Variants in GMDS observed in about 807,000 individuals in gnomAD.
GMDS encodes GDP-mannose 4,6 dehydratase.
Under a neutral mutation model 49.9 loss-of-function variants are expected in GMDS, and 20 were observed. That is an observed-to-expected ratio of 0.40 (90% CI 0.28 to 0.58). The LOEUF (loss-of-function observed/expected upper bound fraction) is 0.58, where lower values mean the gene tolerates loss of function less well. Among genes scored for constraint, GMDS ranks in the 20% least tolerant of loss-of-function variants. The pLI, the probability that GMDS is intolerant of heterozygous loss-of-function variation, is 0.42. For synonymous variants in GMDS, 177 were observed against 178.6 expected, an observed-to-expected ratio of 0.99 and a Z score of 0.07; for missense variants, 362 against 481.4, an observed-to-expected ratio of 0.75 and a Z score of 2.32.
At chr6:1,832,154 T>A (rs1387006931) in intron 7 of GMDS, among the ~76,000 whole-genome samples, 1 of 151,346 alleles carries the variant, frequency 6.6e-6, no homozygotes, top group African/African-American at 2.4e-5. Context: ...ACTTGCTATA[T>A]TGCCCAGGCT....
At chr6:1,995,390 G>A (rs910644507) in intron 4 of GMDS, among the ~76,000 whole-genome samples, 9 of 152,152 alleles carry the variant, frequency 5.9e-5, no homozygotes, top group Non-Finnish European at 8.8e-5. Flanking sequence ...ACCAAAAAGA[G>A]TAAGGAAGAA....
intron 1 of GMDS, among the ~76,000 whole-genome samples, chr6:2,219,956 T>G (rs1201750992): frequency 1.3e-5 from 2 of 152,172 alleles, no homozygotes; most frequent in African/African-American, 4.8e-5. Flanking sequence ...ATAAGGGATA[T>G]TCAACCTATA....
At chr6:2,159,765 C>T (rs1289720807) in intron 1 of GMDS, among the ~76,000 whole-genome samples, 2 of 152,020 alleles carry the variant, frequency 1.3e-5, no homozygotes, top group Non-Finnish European at 2.9e-5. Flanking sequence ...GATCTGCCTG[C>T]CTTGGCCTCC....
intron 1 of GMDS, among the ~76,000 whole-genome samples, chr6:2,196,722 G>A (rs1345765198): frequency 2.0e-5 from 3 of 152,026 alleles, no homozygotes; most frequent in African/African-American, 7.3e-5. Flanking sequence ...AAAAAACACA[G>A]GAAAAAAAGT....
At chr6:2,008,657 T>C (rs1307225031) in intron 4 of GMDS, among the ~76,000 whole-genome samples, 1 of 152,234 alleles carries the variant, frequency 6.6e-6, no homozygotes, top group Non-Finnish European at 1.5e-5. Flanking sequence ...TGCATGTACC[T>C]AAACCATATC....
chr6:2,202,705 G>A (rs1410098501), intron 1 of GMDS, among the ~76,000 whole-genome samples: 1 of 152,166 alleles, frequency 6.6e-6, no homozygotes, highest in Non-Finnish European at 1.5e-5. Context: ...TATTGAATCT[G>A]ACATGATGCC....
chr6:2,052,116 C>CAAAAAAAAAAAAAAAAAAAAAAAAAAAA (rs1285013159), intron 4 of GMDS, among the ~76,000 whole-genome samples: 14 of 43,574 alleles, frequency 3.2e-4, no homozygotes, highest in South Asian at 8.7e-4. Context: ...GACTCTGTCT[C>CAAAAAAAAAAAAAAAAAAAAAAAAAAAA]AAAAAAAAAA....
intron 4 of GMDS, among the ~76,000 whole-genome samples, chr6:2,101,909 C>T (rs578262341): frequency 3.3e-5 from 5 of 152,174 alleles, no homozygotes; most frequent in African/African-American, 1.2e-4. Flanking sequence ...AAAGGAAAAT[C>T]TAAGTATCAT....
In GMDS at chr6:2,184,988, T is replaced by C. The variant is rs571429338; in HGVS notation, c.103-60257A>G. ...CCAGACACTGTTTTAGGCACTGGAA[T>C]TGAAGCGATCAACAAAACAGACAAG... On this transcript the variant is annotated intron_variant, in intron 1 of 10. Transcript: ENST00000380815. Among the ~76,000 whole-genome samples the C allele has an allele frequency of 2.4e-3, 371 of 152,040 alleles. 2 individuals carry two copies. Among genetic ancestry groups the C allele is most frequent in the African/African-American group, 8.6e-3 (356 of 41,486 alleles).
At chr6:2,172,115 A>G (rs1451478574) in intron 1 of GMDS, among the ~76,000 whole-genome samples, 1 of 152,190 alleles carries the variant, frequency 6.6e-6, no homozygotes, top group African/African-American at 2.4e-5. Flanking sequence ...AAAAATAAGA[A>G]GGCACAAGTA....
chr6:1,853,927 C>T lies in GMDS; in HGVS notation c.771+76176G>A, dbSNP rs367831516. On this transcript the variant is annotated intron_variant, in intron 7 of 10. Coordinates refer to ENST00000380815, the MANE Select transcript of GMDS (RefSeq NM_001500.4). The stretch of plus-strand genomic sequence containing the variant: ...ATATCAGTGCCAAATCCTTCCCCTC[C>T]ATGGTCCTTTAGCACTATTCAGAGG... Among the ~76,000 whole-genome samples the T allele has an allele frequency of 2.4e-4, 36 of 152,286 alleles. 2 individuals are homozygous for T. The South Asian group carries it at 7.2e-3, about 31-fold the overall frequency.
At chr6:1,788,985 T>A (rs1769421874) in intron 7 of GMDS, among the ~76,000 whole-genome samples, 2 of 152,172 alleles carry the variant, frequency 1.3e-5, no homozygotes, top group Non-Finnish European at 2.9e-5. Context: ...CACCTGCACT[T>A]ATAACCAACT....
At chr6:1,911,775 A>C (rs1178144471) in intron 7 of GMDS, among the ~76,000 whole-genome samples, 1 of 152,168 alleles carries the variant, frequency 6.6e-6, no homozygotes, top group African/African-American at 2.4e-5. Context: ...TATTAGCCTC[A>C]ATTTTTAACT....
chr6:2,119,469 A>G (rs1036688444), intron 2 of GMDS, among the ~76,000 whole-genome samples: 1 of 152,152 alleles, frequency 6.6e-6, no homozygotes. Flanking sequence ...GACCTGCCAA[A>G]TGCTTAATCC....
intron 9 of GMDS, among the ~76,000 whole-genome samples, chr6:1,638,392 C>T (rs565496142): frequency 6.6e-5 from 10 of 152,258 alleles, no homozygotes; most frequent in South Asian, 2.1e-4. Flanking sequence ...GTAGCTTTCT[C>T]GAAAACACTG....
chr6:1,916,131 C>A (rs1262157488), intron 7 of GMDS, among the ~76,000 whole-genome samples: 2 of 152,178 alleles, frequency 1.3e-5, no homozygotes, highest in African/African-American at 4.8e-5. Flanking sequence ...ATGGTTTTTA[C>A]GTAGTTTAGC....
intron 1 of GMDS, among the ~76,000 whole-genome samples, chr6:2,216,890 C>T (rs1780362279): frequency 6.6e-6 from 1 of 152,202 alleles, no homozygotes; most frequent in East Asian, 1.9e-4. Context: ...CACCTCAACC[C>T]CTTTTCGCAG....
chr6:1,803,854 C>G lies in GMDS; in HGVS notation c.772-61268G>C, dbSNP rs1427354101. 3.3e-5 allele frequency among the ~76,000 whole-genome samples: 5 copies of G among 152,238 alleles called. No individual in the cohort carries two copies. The East Asian group carries it at 9.7e-4, about 29-fold the overall frequency. On this transcript the variant is annotated intron_variant, in intron 7 of 10. Coordinates refer to ENST00000380815, the MANE Select transcript of GMDS (RefSeq NM_001500.4). ...GAGAGGTTCAGAAGTAAAAAATGGA[C>G]TCTCCACTTGCTTGGGGTACAGGAA... is the stretch of plus-strand genomic sequence containing the variant.
At chr6:2,054,820 A>C (rs904045290) in intron 4 of GMDS, among the ~76,000 whole-genome samples, 23 of 151,742 alleles carry the variant, frequency 1.5e-4, no homozygotes, top group African/African-American at 5.3e-4. Context: ...AAAACAAAAC[A>C]AAAAAAACCA....
Sources: allele counts gnomAD v4.1 joint callset (sites outside exome capture counted in the v4.1 genomes callset), GRCh38; gene constraint gnomAD v4.1.1; transcripts MANE v1.5; gene names NCBI Gene and HGNC (gene_info 2026-07-23, HGNC 2026-07-21).